ALCAM: variants seen among roughly 807,000 people sequenced by gnomAD.
ALCAM encodes the protein CD166 antigen.
ALCAM carries 30 observed loss-of-function variants against 70.9 expected under a neutral mutation model. That is an observed-to-expected ratio of 0.42 (90% CI 0.32 to 0.57). The LOEUF is 0.57. ALCAM is among the 20% of genes least tolerant of loss of function. ALCAM has a pLI of 0.11. For synonymous variants in ALCAM, 249 were observed against 242.5 expected (o/e 1.03, Z -0.25); for missense variants, 591 against 695.1 (o/e 0.85, Z 1.68).
At chr3:105,507,671 A>G (rs1939120203) in intron 1 of ALCAM, among the ~76,000 whole-genome samples, 1 of 152,160 alleles carries the variant, frequency 6.6e-6, no homozygotes, top group South Asian at 2.1e-4. Context: ...TCATCTGTTG[A>G]AGGACATCTT....
At chr3:105,450,019 C>T (rs1000696341) in intron 1 of ALCAM, among the ~76,000 whole-genome samples, 1 of 152,148 alleles carries the variant, frequency 6.6e-6, no homozygotes, top group Non-Finnish European at 1.5e-5. Context: ...GATACACATT[C>T]ATATGTGTCT....
At chr3:105,403,453 C>T (rs1936142596) in intron 1 of ALCAM, among the ~76,000 whole-genome samples, 1 of 152,128 alleles carries the variant, frequency 6.6e-6, no homozygotes. Flanking sequence ...GCTGGTAGCT[C>T]CACTGGGTTG....
At chr3:105,528,642 T>C (rs1298601797) in intron 3 of ALCAM, among the ~76,000 whole-genome samples, 1 of 152,114 alleles carries the variant, frequency 6.6e-6, no homozygotes, top group African/African-American at 2.4e-5. Context: ...AGAAACCAAA[T>C]ACTGCATGTT....
chr3:105,528,799 T>A (rs1322176000), intron 3 of ALCAM, among the ~76,000 whole-genome samples: 3 of 152,166 alleles, frequency 2.0e-5, no homozygotes, highest in Non-Finnish European at 2.9e-5. Context: ...AATGCCTAGG[T>A]GATGAAATAA....
chr3:105,470,251 T>A (rs1937888583), intron 1 of ALCAM, among the ~76,000 whole-genome samples: 1 of 150,666 alleles, frequency 6.6e-6, no homozygotes, highest in African/African-American at 2.4e-5. Context: ...TTACTTAAAT[T>A]GAAAGGCATG....
chr3:105,573,153 T>C (rs1310277934), intron 15 of ALCAM, among the ~76,000 whole-genome samples: 3 of 151,958 alleles, frequency 2.0e-5, no homozygotes, highest in Non-Finnish European at 4.4e-5. Context: ...GGTGAAACCC[T>C]GCGTCTCTAC....
intron 7 of ALCAM, 64 bp from the exon 8 acceptor site, chr3:105,541,569 A>C: frequency 6.5e-7 from 1 of 1,541,468 alleles, no homozygotes. Flanking sequence ...CTTCATCAAG[A>C]AATACAACTG....
At chr3:105,493,605 C>G (rs923706461) in intron 1 of ALCAM, among the ~76,000 whole-genome samples, 5 of 151,936 alleles carry the variant, frequency 3.3e-5, no homozygotes, top group Non-Finnish European at 7.4e-5. Context: ...AAAAAAAAGG[C>G]AGAAAGCAGG....
intron 1 of ALCAM, among the ~76,000 whole-genome samples, chr3:105,416,836 G>A (rs922860637): frequency 2.6e-5 from 4 of 151,808 alleles, no homozygotes; most frequent in Non-Finnish European, 4.4e-5. Flanking sequence ...TACTGCAATA[G>A]CTAACTCATC....
chr3:105,437,843 T>G (rs1937085854), intron 1 of ALCAM, among the ~76,000 whole-genome samples: 1 of 152,154 alleles, frequency 6.6e-6, no homozygotes, highest in African/African-American at 2.4e-5. Flanking sequence ...AGCAATTTAT[T>G]TTATAGCTAT....
chr3:105,535,758 T>C (rs1437717965), intron 6 of ALCAM, among the ~76,000 whole-genome samples: 2 of 152,058 alleles, frequency 1.3e-5, no homozygotes, highest in African/African-American at 4.8e-5. Context: ...ATTTTCTTCT[T>C]ATTATTAATT....
intron 14 of ALCAM, among the ~76,000 whole-genome samples, chr3:105,557,469 T>C (rs1213594130): frequency 1.3e-5 from 2 of 152,146 alleles, no homozygotes; most frequent in Non-Finnish European, 2.9e-5. Flanking sequence ...AGAAAGGGCT[T>C]GCATCAAAAT....
chr3:105,471,526 G>A (rs1937926673), intron 1 of ALCAM, among the ~76,000 whole-genome samples: 1 of 151,298 alleles, frequency 6.6e-6, no homozygotes. Flanking sequence ...GGTGACGTCT[G>A]TTATGGTGAG....
chr3:105,527,058 A>G (rs550696041), intron 3 of ALCAM, among the ~76,000 whole-genome samples: 2 of 152,284 alleles, frequency 1.3e-5, no homozygotes, highest in Non-Finnish European at 2.9e-5. Context: ...GCTATTCCTC[A>G]TATGCAAGAA....
At chr3:105,506,610 TA>T (rs1939085825) in intron 1 of ALCAM, among the ~76,000 whole-genome samples, 1 of 152,196 alleles carries the variant, frequency 6.6e-6, no homozygotes, top group Non-Finnish European at 1.5e-5. Context: ...AACTTTTTTT[TA>T]AACCCAAATG....
intron 8 of ALCAM, 139 bp from the exon 9 acceptor site, chr3:105,545,084 A>G: frequency 1.5e-6 from 1 of 658,740 alleles, no homozygotes; most frequent in Non-Finnish European, 2.8e-6. Flanking sequence ...TAGTCCAATT[A>G]TTTTAGTCAT....
chr3:105,455,042 G>A (rs1343322091), intron 1 of ALCAM, among the ~76,000 whole-genome samples: 1 of 151,998 alleles, frequency 6.6e-6, no homozygotes, highest in Non-Finnish European at 1.5e-5. Flanking sequence ...TTGAATTACT[G>A]GAAGAGGTTA....
chr3:105,446,553 G>A (rs750599309), intron 1 of ALCAM, among the ~76,000 whole-genome samples: 42 of 150,848 alleles, frequency 2.8e-4, no homozygotes, highest in Non-Finnish European at 4.6e-4. Flanking sequence ...TAATAGCCAT[G>A]ATATGGATTC....
intron 1 of ALCAM, among the ~76,000 whole-genome samples, chr3:105,446,028 A>C (rs1955135): frequency 0.15 from 22,796 of 152,158 alleles, 1,822 homozygotes; most frequent in Middle Eastern, 0.19. Context: ...AAACACTCTA[A>C]AGAGTGAAAA....
Sources: gnomAD v4.1 joint callset for allele counts (sites outside exome capture counted in the v4.1 genomes callset) on GRCh38, gnomAD v4.1.1 for gene constraint, MANE v1.5 for transcripts, NCBI Gene and HGNC (gene_info 2026-07-23, HGNC 2026-07-21) for gene names.